Variants in SORBS2 observed in about 807,000 individuals in gnomAD.
The protein encoded by SORBS2 is sorbin and SH3 domain-containing protein 2.
In SORBS2, 46 loss-of-function variants were observed where a neutral mutation model predicts 97.7. That is an observed-to-expected ratio of 0.47 (90% confidence interval 0.37 to 0.60). The LOEUF is 0.60. Ranked by LOEUF, SORBS2 falls within the 20% of genes least tolerant of loss-of-function variation. SORBS2 has a pLI of 0.00. For missense variants in SORBS2, 1,316 were observed against 1,282.3 expected (o/e 1.03, Z -0.40); for synonymous variants, 476 against 473.4 (o/e 1.01, Z -0.07).
intron 1 of SORBS2, among the ~76,000 whole-genome samples, chr4:185,791,598 T>A (rs2099080319): frequency 6.6e-6 from 1 of 152,078 alleles, no homozygotes; most frequent in South Asian, 2.1e-4. Context: ...TCTAAGTGCC[T>A]CGGGTGAACT....
At chr4:185,639,065 T>C (rs1383199649) in intron 4 of SORBS2, 30 bp from the exon 14 acceptor site, 3 of 1,496,860 alleles carry the variant, frequency 2.0e-6, no homozygotes, top group Non-Finnish European at 2.7e-6. Context: ...AGAAACTGGT[T>C]CATTAGATGG....
chr4:185,680,398 A>G (rs2097852346), intron 2 of SORBS2, among the ~76,000 whole-genome samples: 1 of 152,222 alleles, frequency 6.6e-6, no homozygotes, highest in African/African-American at 2.4e-5. Context: ...TTGACAAAAA[A>G]TACAGAGCAA....
intron 1 of SORBS2, among the ~76,000 whole-genome samples, chr4:185,853,940 A>C (rs1032942153): frequency 1.3e-5 from 2 of 152,240 alleles, no homozygotes; most frequent in African/African-American, 4.8e-5. Flanking sequence ...TGTTATTCAC[A>C]TGTTACTCTG....
chr4:185,808,497 A>C (rs1370592296), intron 1 of SORBS2, among the ~76,000 whole-genome samples: 2 of 152,206 alleles, frequency 1.3e-5, no homozygotes, highest in African/African-American at 4.8e-5. Flanking sequence ...TTATTTAAAA[A>C]ATACTAATAA....
In SORBS2 at chr4:185,796,443, C is replaced by T. The variant is rs555932642; in HGVS notation, c.-337-21077G>A. The stretch of plus-strand genomic sequence containing the variant: ...CCCTGCAGATTTATATGAAATCCAT[C>T]GCTCCATGCCTGGGCGCTGTGGCCA... On this transcript the variant is annotated intron_variant, in intron 1 of 20. Transcript: ENST00000284776. Among the ~76,000 whole-genome samples the T allele has an allele frequency of 1.4e-3, 210 of 151,892 alleles. 2 individuals are homozygous for T. The highest frequency in any genetic ancestry group is 4.9e-3 in the African/African-American group (203 of 41,168).
chr4:185,761,912 C>G (rs2098895892), intron 2 of SORBS2, among the ~76,000 whole-genome samples: 1 of 152,218 alleles, frequency 6.6e-6, no homozygotes, highest in African/African-American at 2.4e-5. Flanking sequence ...ATCCTCAAAA[C>G]CTCAACAGAC....
intron 1 of SORBS2, among the ~76,000 whole-genome samples, chr4:185,941,036 T>A (rs1243150962): frequency 2.0e-5 from 3 of 152,062 alleles, no homozygotes; most frequent in Non-Finnish European, 2.9e-5. Context: ...ATTATCAGGG[T>A]CCCACAAATG....
At chr4:185,701,930 C>T (rs1265132043) in intron 2 of SORBS2, among the ~76,000 whole-genome samples, 1 of 152,052 alleles carries the variant, frequency 6.6e-6, no homozygotes, top group African/African-American at 2.4e-5. Context: ...GCCAGCACGC[C>T]CAGCTAATTT....
rs549927625 is a variant in SORBS2 at position 185,873,151 on chromosome 4, G to C, written c.-338+83045C>G. ...CAACTCACCCAGATGAAGACTTACA[G>C]AGCAGCCCAGCTACTCCTCCCCATA... On this transcript the variant is annotated intron_variant, in intron 1 of 20. Coordinates refer to the SORBS2 transcript ENST00000284776. Among the ~76,000 whole-genome samples, 185 of 152,324 alleles carry C rather than the reference G, an allele frequency of 1.2e-3. 1 individual carries two copies. Among genetic ancestry groups the C allele is most frequent in the South Asian group, 4.1e-3 (20 of 4,826 alleles).
chr4:185,656,886 T>C (rs2097415890), exon 1 of SORBS2: 2 of 1,273,260 alleles, frequency 1.6e-6, no homozygotes. Context: ...GACATTAAAA[T>C]GTGTATTTTT....
chr4:185,592,471 T>G (rs1230375708), intron 13 of SORBS2, among the ~76,000 whole-genome samples: 1 of 152,232 alleles, frequency 6.6e-6, no homozygotes, highest in East Asian at 1.9e-4. Flanking sequence ...TCATGTGATC[T>G]TATCATCGTT....
intron 4 of SORBS2, among the ~76,000 whole-genome samples, chr4:185,638,521 G>T (rs941307126): frequency 1.3e-5 from 2 of 152,104 alleles, no homozygotes; most frequent in Non-Finnish European, 1.5e-5. Flanking sequence ...TTTGGAATAG[G>T]CTCAACCCAG....
chr4:185,858,633 A>G (rs2099222006), intron 1 of SORBS2, among the ~76,000 whole-genome samples: 1 of 152,196 alleles, frequency 6.6e-6, no homozygotes, highest in African/African-American at 2.4e-5. Flanking sequence ...ATAGTGGGCC[A>G]CTAAGGGAGA....
chr4:185,826,921 A>C (rs1246677159), intron 1 of SORBS2, among the ~76,000 whole-genome samples: 2 of 152,170 alleles, frequency 1.3e-5, no homozygotes, highest in African/African-American at 4.8e-5. Flanking sequence ...GATCAAATGA[A>C]TCTTTTTACT....
At chr4:185,838,309 A>G (rs2099209343) in intron 1 of SORBS2, among the ~76,000 whole-genome samples, 1 of 152,020 alleles carries the variant, frequency 6.6e-6, no homozygotes, top group Non-Finnish European at 1.5e-5. Flanking sequence ...CTGCCATCTC[A>G]TCTCCTCACG....
chr4:185,839,712 T>C (rs2099210348), intron 1 of SORBS2, among the ~76,000 whole-genome samples: 1 of 152,184 alleles, frequency 6.6e-6, no homozygotes, highest in Non-Finnish European at 1.5e-5. Context: ...AAATGTAAAT[T>C]AAAAGCTGAA....
chr4:185,651,636 A>G, intron 2 of SORBS2, 148 bp downstream of exon 11: 1 of 670,084 alleles, frequency 1.5e-6, no homozygotes. Context: ...TTTGTTATGC[A>G]CGCTCTGAGA....
chr4:185,817,217 A>AC (rs1339982214), intron 1 of SORBS2, among the ~76,000 whole-genome samples: 1 of 149,840 alleles, frequency 6.7e-6, no homozygotes, highest in Non-Finnish European at 1.5e-5. Context: ...TAATAACAAA[A>AC]GAAAAAAAAA....
intron 1 of SORBS2, among the ~76,000 whole-genome samples, chr4:185,805,349 T>G (rs1004686079): frequency 3.9e-5 from 6 of 152,206 alleles, no homozygotes; most frequent in African/African-American, 1.4e-4. Flanking sequence ...TATCTGTAGA[T>G]TCAAAGAGCA....
Sources: allele counts gnomAD v4.1 joint callset (sites outside exome capture counted in the v4.1 genomes callset), GRCh38; gene constraint gnomAD v4.1.1; transcripts MANE v1.5; gene names NCBI Gene and HGNC (gene_info 2026-07-23, HGNC 2026-07-21).